FRMD3: variants seen among roughly 807,000 people sequenced by gnomAD.
FRMD3 encodes FERM domain-containing protein 3.
A neutral mutation model predicts 70.2 loss-of-function variants in FRMD3; 33 were observed. The observed-to-expected ratio is 0.47, with a 90% CI of 0.36 to 0.63. FRMD3 has a LOEUF of 0.63. FRMD3 is among the 20% of genes least tolerant of loss of function. FRMD3 has a pLI of 0.00. For synonymous variants in FRMD3, 279 were observed against 255.9 expected (o/e 1.09, Z -0.86); for missense variants, 632 against 711.4 (o/e 0.89, Z 1.27).
At chr9:83,465,602 T>G (rs1828105579) in intron 1 of FRMD3, among the ~76,000 whole-genome samples, 1 of 152,164 alleles carries the variant, frequency 6.6e-6, no homozygotes, top group Admixed American at 6.5e-5. Flanking sequence ...ATTCTCTATA[T>G]GCCTGAATTT....
chr9:83,273,718 CAA>C (rs1330166009), intron 13 of FRMD3, among the ~76,000 whole-genome samples: 1 of 151,042 alleles, frequency 6.6e-6, no homozygotes, highest in African/African-American at 2.4e-5. Context: ...GATTTATGCA[CAA>C]AGTGTCTAAA....
intron 1 of FRMD3, among the ~76,000 whole-genome samples, chr9:83,503,142 C>T (rs528104057): frequency 2.6e-5 from 4 of 152,094 alleles, no homozygotes; most frequent in African/African-American, 4.8e-5. Flanking sequence ...ATCAACATGA[C>T]GACAGAACCT....
At position 83,247,384 on chromosome 9, in the gene FRMD3, CT is replaced by C. The variant is rs10646229; in HGVS notation, c.*533del. The C allele has an allele frequency of 4.9e-3, 4,404 of 903,254 alleles. 7 individuals are homozygous for C. The highest frequency in any genetic ancestry group is 0.02 in the African/African-American group (1,102 of 54,718). The allele number at this position is 903,254 out of a possible 1,614,324, so 56.0% of individuals were successfully genotyped here. ...ACATGTAAATAACTCCAGGAGGCTT[CT>C]TTTTTTTTTTTGCTAAAAATTTACC... On this transcript the variant is annotated 3_prime_UTR_variant, in exon 14 of 14. Coordinates refer to ENST00000304195, the MANE Select transcript of FRMD3 (RefSeq NM_174938.6).
chr9:83,543,419 G>A (rs1830020588), upstream of FRMD3, among the ~76,000 whole-genome samples: 1 of 152,096 alleles, frequency 6.6e-6, no homozygotes, highest in Non-Finnish European at 1.5e-5. Flanking sequence ...TTATGCATCG[G>A]TGTGGGCGGC....
chr9:83,286,547 G>C (rs1388325380), intron 13 of FRMD3, among the ~76,000 whole-genome samples: 1 of 152,132 alleles, frequency 6.6e-6, no homozygotes, highest in Non-Finnish European at 1.5e-5. Context: ...GGTCAGGCTA[G>C]TCTCGAACTC....
At chr9:83,460,083 C>G (rs1421767965) in intron 1 of FRMD3, among the ~76,000 whole-genome samples, 3 of 152,222 alleles carry the variant, frequency 2.0e-5, no homozygotes, top group Non-Finnish European at 4.4e-5. Context: ...AGTTATGACT[C>G]AACATATCAG....
At chr9:83,514,737 C>A (rs549394025) in intron 1 of FRMD3, among the ~76,000 whole-genome samples, 1 of 152,268 alleles carries the variant, frequency 6.6e-6, no homozygotes, top group South Asian at 2.1e-4. Context: ...TGGCAGATGC[C>A]CCTCTAAGAC....
At chr9:83,536,702 G>A (rs966073940) in intron 1 of FRMD3, among the ~76,000 whole-genome samples, 6 of 152,022 alleles carry the variant, frequency 3.9e-5, no homozygotes, top group African/African-American at 1.5e-4. Flanking sequence ...GGGAGATCAT[G>A]GGGCATCACA....
At chr9:83,468,503 G>A (rs759950959) in intron 1 of FRMD3, among the ~76,000 whole-genome samples, 10 of 152,144 alleles carry the variant, frequency 6.6e-5, no homozygotes, top group Non-Finnish European at 1.5e-4. Flanking sequence ...AATTGAGTCG[G>A]ACAGAACTTC....
the FRMD3 span, among the ~76,000 whole-genome samples, chr9:83,551,814 A>G: frequency 2.0e-5 from 3 of 151,928 alleles, no homozygotes; most frequent in African/African-American, 7.2e-5. Flanking sequence ...TGAGGTCAGT[A>G]GTAACAGTCC....
At chr9:83,393,355 A>T (rs1308984821) in intron 1 of FRMD3, among the ~76,000 whole-genome samples, 3 of 152,220 alleles carry the variant, frequency 2.0e-5, no homozygotes, top group Non-Finnish European at 4.4e-5. Flanking sequence ...CCAGAACATG[A>T]ACAGTGCATG....
chr9:83,543,347 C>G (rs75207669), upstream of FRMD3, among the ~76,000 whole-genome samples: 1,708 of 152,116 alleles, frequency 0.011, 16 homozygotes, highest in Middle Eastern at 0.017. Flanking sequence ...TTGGGTTGCC[C>G]TCACCCCTGT....
rs148431568 is a variant in FRMD3, at chr9:83,341,380, G to A, written c.472+1810C>T. On this transcript the variant is annotated intron_variant, in intron 5 of 13. Coordinates refer to ENST00000304195, the MANE Select transcript of FRMD3 (RefSeq NM_174938.6). ...AGGCTCCGTGGCTTTATTTCAAACA[G>A]AAAACAGGATGGCGAGCTTTCCATT... Among the ~76,000 whole-genome samples the A allele has an allele frequency of 4.1e-3, 622 of 152,242 alleles. 3 individuals carry two copies. Among genetic ancestry groups the A allele is most frequent in the African/African-American group, 0.015 (606 of 41,558 alleles).
chr9:83,358,209 G>A (rs1054712719), intron 3 of FRMD3, among the ~76,000 whole-genome samples: 6 of 152,108 alleles, frequency 3.9e-5, no homozygotes, highest in Admixed American at 6.6e-5. Flanking sequence ...CCCACTTTAC[G>A]TTTTTGTTTG....
At position 83,412,919 on chromosome 9, in the gene FRMD3, C is replaced by T. The variant is rs566945202; in HGVS notation, c.148-23211G>A. ...CTGAGACAGGAGAATCGCTCGAACCCGGGAGATGGAGGTTGCAGTGAGCCG... is the reference window on the plus strand; with the variant it reads ...CTGAGACAGGAGAATCGCTCGAACCTGGGAGATGGAGGTTGCAGTGAGCCG... On this transcript the variant is annotated intron_variant, in intron 1 of 13. Coordinates refer to ENST00000304195, the MANE Select transcript of FRMD3 (RefSeq NM_174938.6). Among the ~76,000 whole-genome samples, 33 of 151,074 alleles carry T rather than the reference C, an allele frequency of 2.2e-4. No homozygotes were observed. In the South Asian group the frequency reaches 5.2e-3, roughly 24 times the overall value.
intron 1 of FRMD3, among the ~76,000 whole-genome samples, chr9:83,405,231 C>T (rs1005510346): frequency 4.6e-5 from 7 of 152,270 alleles, no homozygotes; most frequent in African/African-American, 1.7e-4. Flanking sequence ...CTCTCTGGGC[C>T]TCCCAGTGCC....
intron 1 of FRMD3, among the ~76,000 whole-genome samples, chr9:83,406,855 T>C (rs1402902477): frequency 6.6e-6 from 1 of 152,234 alleles, no homozygotes; most frequent in African/African-American, 2.4e-5. Flanking sequence ...GTTCCTGTTG[T>C]TGTTTTCTGT....
chr9:83,349,410 C>T (rs1047009485), intron 4 of FRMD3, among the ~76,000 whole-genome samples: 3 of 152,168 alleles, frequency 2.0e-5, no homozygotes, highest in Non-Finnish European at 4.4e-5. Flanking sequence ...ATTTTTAGCA[C>T]CCCACTGTCA....
intron 12 of FRMD3, among the ~76,000 whole-genome samples, chr9:83,294,247 G>A (rs895175207): frequency 6.6e-6 from 1 of 152,176 alleles, no homozygotes; most frequent in Non-Finnish European, 1.5e-5. Context: ...GAGGAAGCAG[G>A]TGTTTGCCAG....
Sources: allele counts gnomAD v4.1 joint callset (sites outside exome capture counted in the v4.1 genomes callset), GRCh38; gene constraint gnomAD v4.1.1; transcripts MANE v1.5; gene names NCBI Gene and HGNC (gene_info 2026-07-23, HGNC 2026-07-21).